CHRM3: variants seen among roughly 807,000 people sequenced by gnomAD.
CHRM3 encodes muscarinic acetylcholine receptor M3.
A neutral mutation model predicts 41.8 loss-of-function variants in CHRM3; 11 were observed. That is an observed-to-expected ratio of 0.26 (90% CI 0.17 to 0.44). CHRM3 has a LOEUF of 0.44. Ranked by LOEUF, CHRM3 falls within the 20% of genes least tolerant of loss-of-function variation. CHRM3 has a pLI of 1.00. For missense variants in CHRM3, 571 were observed against 745.4 expected (o/e 0.77, Z 2.72); for synonymous variants, 297 against 301.4 (o/e 0.99, Z 0.15).
At chr1:239,684,770 G>GAAAGAA (rs142339442) in intron 5 of CHRM3, among the ~76,000 whole-genome samples, 19 of 129,202 alleles carry the variant, frequency 1.5e-4, no homozygotes, top group East Asian at 9.0e-4. Context: ...AAGAAAGAAA[G>GAAAGAA]AGAAAGAGAA....
At chr1:239,803,830 G>T (rs1391441157) in intron 5 of CHRM3, among the ~76,000 whole-genome samples, 1 of 152,112 alleles carries the variant, frequency 6.6e-6, no homozygotes, top group Non-Finnish European at 1.5e-5. Context: ...CAGAATAGTG[G>T]GTCACCCACC....
At chr1:239,559,656 C>T (rs538153956) in intron 3 of CHRM3, among the ~76,000 whole-genome samples, 1 of 152,228 alleles carries the variant, frequency 6.6e-6, no homozygotes, top group Non-Finnish European at 1.5e-5. Context: ...GAGAAGCTGG[C>T]CAATATTTCT....
At chr1:239,633,584 C>A (rs925514123) in intron 4 of CHRM3, among the ~76,000 whole-genome samples, 1 of 152,092 alleles carries the variant, frequency 6.6e-6, no homozygotes, top group Admixed American at 6.5e-5. Flanking sequence ...ACTCTTTTTT[C>A]TGTGGCCATG....
intron 2 of CHRM3, among the ~76,000 whole-genome samples, chr1:239,510,887 C>G (rs1668875949): frequency 6.8e-6 from 1 of 147,086 alleles, no homozygotes; most frequent in Admixed American, 6.9e-5. Flanking sequence ...TGGTTTTGTC[C>G]TACCTGCAAT....
At chr1:239,551,970 A>G (rs979344925) in intron 3 of CHRM3, among the ~76,000 whole-genome samples, 35 of 152,252 alleles carry the variant, frequency 2.3e-4, no homozygotes, top group African/African-American at 8.4e-4. Context: ...TGAATCATAT[A>G]TACCATATCA....
At chr1:239,752,697 T>C (rs1293946328) in intron 5 of CHRM3, among the ~76,000 whole-genome samples, 2 of 152,214 alleles carry the variant, frequency 1.3e-5, no homozygotes, top group South Asian at 2.1e-4. Flanking sequence ...ACGACTGTCA[T>C]ATTTATTCAT....
intron 5 of CHRM3, among the ~76,000 whole-genome samples, chr1:239,691,097 C>CTGAG (rs767870763): frequency 6.6e-6 from 1 of 152,060 alleles, no homozygotes; most frequent in South Asian, 2.1e-4. Context: ...GCGTCATGAG[C>CTGAG]TGAGCTCTTC....
intron 1 of CHRM3, among the ~76,000 whole-genome samples, chr1:239,409,769 C>T (rs1436343541): frequency 2.6e-5 from 4 of 151,950 alleles, no homozygotes; most frequent in Non-Finnish European, 4.4e-5. Context: ...GGTGAAACCC[C>T]GTCTCTACTA....
intron 1 of CHRM3, among the ~76,000 whole-genome samples, chr1:239,439,695 T>G (rs1359214962): frequency 6.6e-6 from 1 of 152,228 alleles, no homozygotes; most frequent in African/African-American, 2.4e-5. Flanking sequence ...ACTTGTTGGT[T>G]GATCATGATC....
intron 1 of CHRM3, among the ~76,000 whole-genome samples, chr1:239,466,802 A>G (rs1056787044): frequency 6.6e-6 from 1 of 152,098 alleles, no homozygotes; most frequent in South Asian, 2.1e-4. Context: ...ATATCTATTA[A>G]ACTTATTTGG....
At chr1:239,412,062 A>C (rs1268250956) in intron 1 of CHRM3, among the ~76,000 whole-genome samples, 1 of 151,472 alleles carries the variant, frequency 6.6e-6, no homozygotes, top group Non-Finnish European at 1.5e-5. Flanking sequence ...TAATCATATA[A>C]AAATTTTGGT....
At chr1:239,576,720 G>C (rs1261890131) in intron 3 of CHRM3, among the ~76,000 whole-genome samples, 1 of 151,916 alleles carries the variant, frequency 6.6e-6, no homozygotes, top group African/African-American at 2.4e-5. Flanking sequence ...TGGAGTTTGG[G>C]GCTGCAGTGC....
intron 6 of CHRM3, among the ~76,000 whole-genome samples, chr1:239,857,899 T>C (rs1675256482): frequency 6.6e-6 from 1 of 152,190 alleles, no homozygotes; most frequent in Non-Finnish European, 1.5e-5. Context: ...CATCTTATGT[T>C]CTGTTATAAC....
chr1:239,676,956 G>A (rs1054932134), intron 4 of CHRM3, among the ~76,000 whole-genome samples: 1 of 152,152 alleles, frequency 6.6e-6, no homozygotes, highest in African/African-American at 2.4e-5. Context: ...CCCCACTGGG[G>A]CAGCTTTCAG....
intron 4 of CHRM3, among the ~76,000 whole-genome samples, chr1:239,639,339 A>G (rs1348273560): frequency 3.3e-5 from 5 of 152,316 alleles, no homozygotes; most frequent in South Asian, 2.1e-4. Context: ...CATTGAATCT[A>G]TAAATTACCT....
chr1:239,827,776 T>A (rs140690516), intron 6 of CHRM3, among the ~76,000 whole-genome samples: 15 of 152,304 alleles, frequency 9.8e-5, no homozygotes, highest in African/African-American at 3.4e-4. Context: ...TTCAACATAG[T>A]TGCCACCTAA....
At chr1:239,490,409 C>T (rs1351197647) in intron 1 of CHRM3, among the ~76,000 whole-genome samples, 1 of 152,072 alleles carries the variant, frequency 6.6e-6, no homozygotes, top group East Asian at 1.9e-4. Context: ...CCTTGAGATC[C>T]TCCTTCTCTG....
At chr1:239,406,044 A>G (rs996786511) in intron 1 of CHRM3, among the ~76,000 whole-genome samples, 4 of 152,078 alleles carry the variant, frequency 2.6e-5, no homozygotes, top group African/African-American at 9.7e-5. Flanking sequence ...GGCACCTGCC[A>G]CCATGTCTGG....
At chr1:239,577,889 C>T (rs2148572744) in intron 3 of CHRM3, among the ~76,000 whole-genome samples, 1 of 152,150 alleles carries the variant, frequency 6.6e-6, no homozygotes, top group Non-Finnish European at 1.5e-5. Flanking sequence ...GCATACGGAT[C>T]CCCCAAGAGA....
Sources: allele counts gnomAD v4.1 joint callset (sites outside exome capture counted in the v4.1 genomes callset), GRCh38; gene constraint gnomAD v4.1.1; transcripts MANE v1.5; gene names NCBI Gene and HGNC (gene_info 2026-07-23, HGNC 2026-07-21).